The following CRYBG3 variants were observed in gnomAD, a reference collection of about 807,000 sequenced individuals.
CRYBG3 encodes very large A-kinase anchor protein.
In CRYBG3, 127 loss-of-function variants were observed where a neutral mutation model predicts 244.2. The ratio of observed to expected loss-of-function variants is 0.52; its 90% CI spans 0.45 to 0.60. The LOEUF (loss-of-function observed/expected upper bound fraction) is 0.60, where lower values mean the gene tolerates loss of function less well. Ranked by LOEUF, CRYBG3 falls within the 20% of genes least tolerant of loss-of-function variation. The pLI, the probability that CRYBG3 is intolerant of heterozygous loss-of-function variation, is 0.00. For synonymous variants in CRYBG3, 1,132 were observed against 1,195.8 expected, an observed-to-expected ratio of 0.95 and a Z score of 1.10; for missense variants, 3,325 against 3,442.5, an observed-to-expected ratio of 0.97 and a Z score of 0.85.
intron 1 of CRYBG3, among the ~76,000 whole-genome samples, chr3:97,830,918 T>G (rs1319332889): frequency 6.6e-6 from 1 of 152,152 alleles, no homozygotes; most frequent in African/African-American, 2.4e-5. Flanking sequence ...CTTTCTATAC[T>G]TTTATTCTTG....
intron 17 of CRYBG3, 40 bp from the exon 18 acceptor site, chr3:97,933,654 T>C (rs781211091): frequency 1.9e-6 from 3 of 1,605,134 alleles, no homozygotes; most frequent in South Asian, 1.1e-5. Flanking sequence ...CACTGAGATA[T>C]GGCCACTCCT....
At position 97,877,212 on chromosome 3, in the gene CRYBG3, C is replaced by T. The variant is rs771215751; in HGVS notation, c.6018C>T (p.Pro2006=). The T allele has an allele frequency of 6.2e-7, 1 of 1,613,894 alleles. No homozygotes were observed. Among genetic ancestry groups the T allele is most frequent in the Non-Finnish European group, 8.5e-7 (1 of 1,179,886 alleles). The change falls in exon 4 of 22, where the codon CCC becomes CCT. Residue 2006 remains proline, a synonymous_variant. Coordinates refer to ENST00000389622, the MANE Select transcript of CRYBG3 (RefSeq NM_153605.4). ...NSSFTILYEE[P]LQEEDKYASA... is the part of the protein sequence containing the mutation. ...CCTTTACTATATTATACGAAGAGCC[C>T]CTTCAAGAGGAGGACAAGTATGCTT...
chr3:97,844,495 C>T (rs1466415813), intron 2 of CRYBG3, among the ~76,000 whole-genome samples: 1 of 152,196 alleles, frequency 6.6e-6, no homozygotes, highest in East Asian at 1.9e-4. Flanking sequence ...TGGTTATCAG[C>T]TTTTGTCATT....
chr3:97,901,815 A>G (rs1301185399), intron 15 of CRYBG3, among the ~76,000 whole-genome samples: 2 of 152,120 alleles, frequency 1.3e-5, no homozygotes, highest in Non-Finnish European at 2.9e-5. Context: ...TTTTCTTGAT[A>G]GTATTTCCAG....
At chr3:97,925,685 C>T (rs2040032613) in intron 17 of CRYBG3, among the ~76,000 whole-genome samples, 1 of 151,976 alleles carries the variant, frequency 6.6e-6, no homozygotes, top group Admixed American at 6.6e-5. Flanking sequence ...ACAACTTGAG[C>T]ATAGTGGTCA....
At position 97,942,887 on chromosome 3, in the gene CRYBG3, G is replaced by T. The variant is rs189906529; in HGVS notation, c.8825-339G>T. On this transcript the variant is annotated intron_variant, in intron 21 of 21. Transcript: ENST00000389622. The stretch of plus-strand genomic sequence containing the variant: ...TATTCATGGCTGTTGCTTTAATTGG[G>T]TTAGTCACAGTTTTGTTGGTGTAGA... 3.1e-5 allele frequency: 8 copies of T among 255,642 alleles called. No homozygotes were observed. The East Asian group carries it at 8.7e-4, about 28-fold the overall frequency. The allele number at this position is 255,642 out of a possible 1,614,324, so 15.8% of individuals were successfully genotyped here.
chr3:97,938,933 A>T (rs919871899), intron 19 of CRYBG3, among the ~76,000 whole-genome samples: 1 of 151,922 alleles, frequency 6.6e-6, no homozygotes. Context: ...CACTCCTATC[A>T]TGTGGAACAG....
rs991431272 is a variant in CRYBG3 at position 97,873,043 on chromosome 3, A to G, written c.1849A>G (p.Arg617Gly). The part of the protein sequence containing the change: ...NAPELKFELN[R>G]SHISETPLDS... Reference sequence around the variant, plus strand: ...ACCTGAGTTGAAATTTGAACTTAATAGAAGTCACATTTCAGAAACTCCTCT... The same window carrying G: ...ACCTGAGTTGAAATTTGAACTTAATGGAAGTCACATTTCAGAAACTCCTCT... Residue 617 changes from arginine to glycine, a missense_variant, in exon 4 of 22, where the codon AGA becomes GGA. By Grantham distance (125) the Arg-to-Gly change is moderately radical. Around this residue, in one of 4 missense-constraint regions of CRYBG3, gnomAD observed 1,526 missense variants for 1,443.2 expected, o/e 1.06. Transcript: ENST00000389622. The G allele has an allele frequency of 6.5e-7, 1 of 1,535,120 alleles. No individual in the cohort carries two copies. Among genetic ancestry groups the G allele is most frequent in the Non-Finnish European group, 8.7e-7 (1 of 1,146,568 alleles).
At chr3:97,910,776 C>G (rs2039862627) in intron 15 of CRYBG3, among the ~76,000 whole-genome samples, 2 of 152,306 alleles carry the variant, frequency 1.3e-5, no homozygotes, top group Non-Finnish European at 2.9e-5. Flanking sequence ...CCTCCCCCTT[C>G]TTTTATTTTT....
rs531926472 is a variant in CRYBG3 at position 97,898,777 on chromosome 3, A to C, written c.7702-106A>C. The C allele has an allele frequency of 5.6e-5, 39 of 693,760 alleles. No individual in the cohort carries two copies. In the South Asian group the frequency reaches 1.2e-3, roughly 21 times the overall value. The allele number at this position is 693,760 out of a possible 1,614,324, so 43.0% of individuals were successfully genotyped here. A position where few individuals can be genotyped will look rare whatever the true frequency, so the allele number is the denominator to read the frequency against. Reference sequence around the variant, plus strand: ...GCCATCTAAAATTCTTCCTGGAGTTATTTGTGTAAAAATTACCCCATCAGT... The same window carrying C: ...GCCATCTAAAATTCTTCCTGGAGTTCTTTGTGTAAAAATTACCCCATCAGT... On this transcript the variant is annotated intron_variant, in intron 12 of 21. Transcript: ENST00000389622.
At chr3:97,845,437 G>A (rs1337966182) in intron 2 of CRYBG3, among the ~76,000 whole-genome samples, 4 of 152,074 alleles carry the variant, frequency 2.6e-5, no homozygotes, top group African/African-American at 7.2e-5. Context: ...ACTAACATCG[G>A]CGGCTACTTC....
chr3:97,880,256 C>T (rs897836972), intron 6 of CRYBG3, among the ~76,000 whole-genome samples, 156 bp downstream of exon 6: 1 of 152,048 alleles, frequency 6.6e-6, no homozygotes, highest in African/African-American at 2.4e-5. Flanking sequence ...TGTGTTATAA[C>T]TTAATTGTTC....
intron 17 of CRYBG3, among the ~76,000 whole-genome samples, chr3:97,925,490 G>T (rs2040029912): frequency 6.6e-6 from 1 of 151,950 alleles, no homozygotes; most frequent in Non-Finnish European, 1.5e-5. Context: ...TTCCTATAAG[G>T]GAATGAAATA....
chr3:97,911,812 C>T (rs2039875995), intron 15 of CRYBG3, among the ~76,000 whole-genome samples: 1 of 152,158 alleles, frequency 6.6e-6, no homozygotes, highest in Admixed American at 6.5e-5. Flanking sequence ...CATCTAGTCT[C>T]AACATAGGGC....
rs1429709293 is a variant in CRYBG3 at position 97,877,999 on chromosome 3, G to A, written c.6805G>A (p.Val2269Ile). The A allele has an allele frequency of 6.2e-7, 1 of 1,613,950 alleles. No homozygotes were observed. The highest frequency in any genetic ancestry group is 1.1e-5 in the South Asian group (1 of 91,014). ...FQEPVSKYFRVQDSPGRLSPF... is the reference protein window; with the variant it reads ...FQEPVSKYFRIQDSPGRLSPF... ...GGAACCAGTGTCAAAATATTTCCGT[G>A]TTCAAGACAGCCCAGGCAGATTGAG... is the stretch of plus-strand genomic sequence containing the variant. Residue 2269 changes from valine (V) to isoleucine (I), a missense_variant, in exon 4 of 22, where the codon GTT becomes ATT. Physicochemically the swap from Val to Ile is conservative, Grantham distance 29. Coordinates refer to ENST00000389622, the MANE Select transcript of CRYBG3 (RefSeq NM_153605.4).
chr3:97,914,055 C>T (rs138613808), intron 16 of CRYBG3, among the ~76,000 whole-genome samples: 1 of 152,154 alleles, frequency 6.6e-6, no homozygotes, highest in East Asian at 1.9e-4. Flanking sequence ...AGGTTCAGTC[C>T]ACTCTATTAT....
intron 17 of CRYBG3, chr3:97,933,472 G>A: frequency 1.6e-6 from 1 of 611,336 alleles, no homozygotes; most frequent in Non-Finnish European, 2.9e-6. Context: ...GAGATTGATT[G>A]CTTTTCTGAT....
At chr3:97,843,901 G>C (rs1049481240) in intron 2 of CRYBG3, among the ~76,000 whole-genome samples, 5 of 152,048 alleles carry the variant, frequency 3.3e-5, no homozygotes, top group Admixed American at 2.6e-4. Flanking sequence ...ATGTGATCAC[G>C]TTTTGGTAGC....
chr3:97,909,027 G>C (rs1418595986), intron 15 of CRYBG3, among the ~76,000 whole-genome samples: 2 of 152,052 alleles, frequency 1.3e-5, no homozygotes, highest in Non-Finnish European at 2.9e-5. Context: ...GGCTGGATAT[G>C]AAATTCTGGG....
Sources: gnomAD v4.1 joint callset for allele counts (sites outside exome capture counted in the v4.1 genomes callset) on GRCh38, gnomAD v4.1.1 for gene constraint, gnomAD v4.1.1 regional missense constraint, MANE v1.5 for transcripts, NCBI Gene and HGNC (gene_info 2026-07-23, HGNC 2026-07-21) for gene names.